Variants in GABRG3 observed in about 807,000 individuals in gnomAD.
The protein encoded by GABRG3 is gamma-aminobutyric acid receptor subunit gamma-3.
In GABRG3, 25 loss-of-function variants were observed where a neutral mutation model predicts 48.8. The ratio of observed to expected loss-of-function variants is 0.51; its 90% CI spans 0.37 to 0.72. The LOEUF is 0.72. GABRG3 is among the 30% of genes least tolerant of loss of function. The probability of loss-of-function intolerance (pLI) is 0.00; values close to 1 mark genes in which losing one functional copy is unlikely to be tolerated. For synonymous variants in GABRG3, 227 were observed against 217.6 expected, an observed-to-expected ratio of 1.04 and a Z score of -0.38; for missense variants, 394 against 577.9, an observed-to-expected ratio of 0.68 and a Z score of 3.26.
At chr15:27,309,965 A>C (rs895653328) in intron 3 of GABRG3, among the ~76,000 whole-genome samples, 1 of 152,152 alleles carries the variant, frequency 6.6e-6, no homozygotes, top group African/African-American at 2.4e-5. Flanking sequence ...ACATCTGAAC[A>C]GTGGCATAAT....
chr15:27,003,845 CG>C (rs567653280), intron 2 of GABRG3, among the ~76,000 whole-genome samples: 55 of 134,058 alleles, frequency 4.1e-4, no homozygotes, highest in African/African-American at 1.4e-3. Context: ...GCTGGCCGGG[CG>C]GGGGGGGCTG....
At chr15:27,088,649 T>G (rs1362029290) in intron 3 of GABRG3, among the ~76,000 whole-genome samples, 1 of 151,986 alleles carries the variant, frequency 6.6e-6, no homozygotes, top group Non-Finnish European at 1.5e-5. Flanking sequence ...GAAGCGGGCT[T>G]CTTCGTCACG....
intron 2 of GABRG3, among the ~76,000 whole-genome samples, chr15:26,994,794 A>G (rs947434889): frequency 1.3e-5 from 2 of 151,988 alleles, no homozygotes; most frequent in African/African-American, 4.8e-5. Context: ...TTCTAATATA[A>G]CTACATTGTG....
chr15:27,504,716 C>T (rs993533815), intron 6 of GABRG3, among the ~76,000 whole-genome samples: 5 of 151,884 alleles, frequency 3.3e-5, no homozygotes, highest in East Asian at 3.8e-4. Context: ...CCCCCACCAC[C>T]GCCCCAACAA....
chr15:27,346,247 A>G (rs1431098077), intron 5 of GABRG3, among the ~76,000 whole-genome samples: 3 of 152,098 alleles, frequency 2.0e-5, no homozygotes, highest in African/African-American at 7.2e-5. Flanking sequence ...TAAATATTTC[A>G]CTCACTCTTC....
At chr15:27,262,407 T>C (rs1189240492) in intron 3 of GABRG3, among the ~76,000 whole-genome samples, 1 of 152,188 alleles carries the variant, frequency 6.6e-6, no homozygotes, top group Non-Finnish European at 1.5e-5. Context: ...CTGAGGGCCT[T>C]AGTGATTCCT....
chr15:27,036,730 G>C (rs1390272251), intron 3 of GABRG3, among the ~76,000 whole-genome samples: 1 of 152,148 alleles, frequency 6.6e-6, no homozygotes, highest in African/African-American at 2.4e-5. Context: ...CACTGACTAT[G>C]TGAGGGGTTG....
At chr15:27,196,272 A>G (rs567110714) in intron 3 of GABRG3, among the ~76,000 whole-genome samples, 2 of 151,958 alleles carry the variant, frequency 1.3e-5, no homozygotes, top group East Asian at 3.9e-4. Flanking sequence ...GGCATCCTTC[A>G]TGTTTGAGTA....
intron 5 of GABRG3, among the ~76,000 whole-genome samples, chr15:27,470,723 T>C (rs1889761785): frequency 6.6e-6 from 1 of 152,116 alleles, no homozygotes; most frequent in African/African-American, 2.4e-5. Context: ...TATTTGCCAT[T>C]TTTACTTTTC....
At chr15:27,163,376 TC>T (rs1249949830) in intron 3 of GABRG3, among the ~76,000 whole-genome samples, 3 of 152,058 alleles carry the variant, frequency 2.0e-5, no homozygotes, top group African/African-American at 7.2e-5. Context: ...CAGCTAATTT[TC>T]CTATTTTTTT....
intron 3 of GABRG3, among the ~76,000 whole-genome samples, chr15:27,109,636 A>G (rs954808488): frequency 3.9e-5 from 6 of 152,188 alleles, no homozygotes; most frequent in African/African-American, 1.4e-4. Context: ...TAATCCCAGC[A>G]TTTTGGGAGG....
At chr15:26,982,991 C>A (rs183901876) in intron 2 of GABRG3, among the ~76,000 whole-genome samples, 19 of 152,216 alleles carry the variant, frequency 1.2e-4, no homozygotes, top group African/African-American at 4.6e-4. Flanking sequence ...CAGAACCCAG[C>A]AACTTGATGA....
chr15:27,380,537 T>TA (rs1160465883), intron 5 of GABRG3, among the ~76,000 whole-genome samples: 2 of 152,144 alleles, frequency 1.3e-5, no homozygotes, highest in Non-Finnish European at 2.9e-5. Context: ...GTTTTATGTT[T>TA]ACCTTGCTAG....
intron 5 of GABRG3, among the ~76,000 whole-genome samples, chr15:27,372,540 A>C (rs937837605): frequency 6.6e-6 from 1 of 152,104 alleles, no homozygotes; most frequent in African/African-American, 2.4e-5. Flanking sequence ...TTACAGGCAC[A>C]TGCCACCAGG....
intron 3 of GABRG3, among the ~76,000 whole-genome samples, chr15:27,322,290 A>C (rs1304830410): frequency 6.6e-6 from 1 of 152,242 alleles, no homozygotes; most frequent in Non-Finnish European, 1.5e-5. Context: ...AGAACGAAGA[A>C]GAGCTTGCAC....
intron 3 of GABRG3, among the ~76,000 whole-genome samples, chr15:27,148,775 A>G (rs1178396728): frequency 6.6e-6 from 1 of 152,006 alleles, no homozygotes; most frequent in Non-Finnish European, 1.5e-5. Context: ...GGGCAGAAAA[A>G]ATCATTTGAC....
chr15:27,433,951 C>G (rs1031623811), intron 5 of GABRG3, among the ~76,000 whole-genome samples: 2 of 152,188 alleles, frequency 1.3e-5, no homozygotes, highest in African/African-American at 4.8e-5. Flanking sequence ...TTACCTCCCC[C>G]CAAATGTTTA....
chr15:27,218,968 CCT>C (rs1289919953), intron 3 of GABRG3, among the ~76,000 whole-genome samples: 1 of 152,148 alleles, frequency 6.6e-6, no homozygotes, highest in East Asian at 1.9e-4. Flanking sequence ...CCCCTGGTCT[CCT>C]CTCTCCCTGA....
At chr15:27,412,068 CTT>C (rs1887814270) in intron 5 of GABRG3, among the ~76,000 whole-genome samples, 1 of 152,010 alleles carries the variant, frequency 6.6e-6, no homozygotes, top group South Asian at 2.1e-4. Flanking sequence ...TGTTCCCTAA[CTT>C]TTCATTTTTC....
Sources: gnomAD v4.1 joint callset for allele counts (sites outside exome capture counted in the v4.1 genomes callset) on GRCh38, gnomAD v4.1.1 for gene constraint, MANE v1.5 for transcripts, NCBI Gene and HGNC (gene_info 2026-07-23, HGNC 2026-07-21) for gene names.